Variants in GOLM1 observed in about 807,000 individuals in gnomAD.
The protein encoded by GOLM1 is golgi membrane protein 1, also known as epididymis luminal protein 46.
GOLM1 carries 31 observed loss-of-function variants against 50.5 expected under a neutral mutation model. The ratio of observed to expected loss-of-function variants is 0.61; its 90% CI spans 0.46 to 0.83. The LOEUF is 0.83. GOLM1 is among the 40% of genes least tolerant of loss of function. GOLM1 has a pLI of 0.00. For missense variants in GOLM1, 491 were observed against 501.3 expected (o/e 0.98, Z 0.20); for synonymous variants, 178 against 192.8 (o/e 0.92, Z 0.64).
At chr9:86,040,957 C>T (rs577209089) in intron 5 of GOLM1, 89 bp from the exon 6 acceptor site, 1 of 1,292,106 alleles carries the variant, frequency 7.7e-7, no homozygotes, top group Non-Finnish European at 1.1e-6. Context: ...GAGACACAGA[C>T]CCTCTTCCTG....
chr9:86,079,474 C>A, intron 1 of GOLM1, 133 bp from the exon 2 acceptor site: 1 of 658,478 alleles, frequency 1.5e-6, no homozygotes, highest in Non-Finnish European at 2.5e-6. Flanking sequence ...CCTTGACGTG[C>A]AAAGCTGTCA....
intron 4 of GOLM1, among the ~76,000 whole-genome samples, chr9:86,050,566 C>T (rs996570655): frequency 5.3e-5 from 8 of 152,118 alleles, no homozygotes. Flanking sequence ...TTCAGAGATT[C>T]AACTTCTTCC....
chr9:86,095,031 C>A (rs1295965969), intron 1 of GOLM1, among the ~76,000 whole-genome samples: 1 of 148,906 alleles, frequency 6.7e-6, no homozygotes, highest in Non-Finnish European at 1.5e-5. Flanking sequence ...TTCGGTGAGC[C>A]GAGATAGTGC....
intron 9 of GOLM1, among the ~76,000 whole-genome samples, chr9:86,028,912 G>A (rs1002352202): frequency 4.8e-5 from 7 of 146,078 alleles, no homozygotes; most frequent in Non-Finnish European, 8.9e-5. Context: ...GCAGTCGTGC[G>A]ATCTCAGCTC....
chr9:86,096,210 G>A (rs990897598), intron 1 of GOLM1, among the ~76,000 whole-genome samples: 15 of 150,578 alleles, frequency 1.0e-4, no homozygotes, highest in Admixed American at 4.6e-4. Context: ...GAAATAAAAG[G>A]ATATCTCATG....
At chr9:86,039,033 CT>C (rs1455729827) in intron 6 of GOLM1, among the ~76,000 whole-genome samples, 2 of 152,258 alleles carry the variant, frequency 1.3e-5, no homozygotes, top group East Asian at 3.8e-4. Flanking sequence ...GGAAAAAAAA[CT>C]TGCAAATCAT....
intron 3 of GOLM1, among the ~76,000 whole-genome samples, chr9:86,054,911 T>C (rs567356015): frequency 2.6e-5 from 4 of 152,310 alleles, no homozygotes; most frequent in African/African-American, 9.6e-5. Flanking sequence ...TCCACAAAGT[T>C]TGCAAATAAT....
rs775196459 is a variant in GOLM1, at chr9:86,079,303, G to A, written c.18C>T (p.Asn6=). Residue 6 remains asparagine (N), a synonymous_variant, in exon 2 of 10, where the codon AAC becomes AAT. Transcript: ENST00000388712. MMGLG[N]GRRSMKSPPL... is the part of the protein sequence containing the mutation. Reference sequence around the variant, plus strand: ...GCGGCGACTTCATGCTGCGACGCCCGTTTCCCAAGCCCATCATCTCAAAAT... The same window carrying A: ...GCGGCGACTTCATGCTGCGACGCCCATTTCCCAAGCCCATCATCTCAAAAT... 1.0e-5 allele frequency: 16 copies of A among 1,597,498 alleles called. No homozygotes were observed. Among genetic ancestry groups the A allele is most frequent in the African/African-American group, 6.8e-5 (5 of 73,876 alleles).
intron 8 of GOLM1, 69 bp from the exon 9 acceptor site, chr9:86,033,464 C>T: frequency 1.0e-6 from 1 of 956,142 alleles, no homozygotes; most frequent in Admixed American, 1.9e-5. Flanking sequence ...TATCAGAGCA[C>T]AAGTGCTGGG....
chr9:86,062,903 G>A (rs1054968064), intron 3 of GOLM1, among the ~76,000 whole-genome samples: 4 of 152,138 alleles, frequency 2.6e-5, no homozygotes, highest in Non-Finnish European at 4.4e-5. Context: ...AGCAGTGGAC[G>A]AGCGCCTGTC....
At chr9:86,052,275 C>T (rs1259566627) in intron 4 of GOLM1, among the ~76,000 whole-genome samples, 1 of 152,210 alleles carries the variant, frequency 6.6e-6, no homozygotes, top group African/African-American at 2.4e-5. Context: ...ATCATAAATA[C>T]TATCTCTTAA....
Position 86,033,387 on chromosome 9 carries a change from G to T in GOLM1, c.1024C>A (p.Gln342Lys). The part of the protein sequence containing the change: ...EQEAAGEGRN[Q>K]QKLRGEDDYN... ...TCATCTTCTCCTCTCAGTTTCTGCTGGTTTCTCCCTGTAAAATTAGCACAT... is the reference window on the plus strand; with the variant it reads ...TCATCTTCTCCTCTCAGTTTCTGCTTGTTTCTCCCTGTAAAATTAGCACAT... The change falls in exon 9 of 10, where the codon CAG (glutamine) becomes AAG (lysine). Residue 342 changes from glutamine (Q) to lysine (K), a missense_variant. By Grantham distance (53) the Gln-to-Lys change is moderately conservative. Transcript: ENST00000388712. 9 of 1,594,938 alleles carry T rather than the reference G, an allele frequency of 5.6e-6. No homozygotes were observed. Among genetic ancestry groups the T allele is most frequent in the Non-Finnish European group, 7.7e-6 (9 of 1,162,590 alleles).
intron 3 of GOLM1, among the ~76,000 whole-genome samples, chr9:86,058,840 T>C (rs1834066889): frequency 6.6e-6 from 1 of 151,562 alleles, no homozygotes; most frequent in Non-Finnish European, 1.5e-5. Flanking sequence ...CTACTAAAAC[T>C]ACAAAAATTA....
At chr9:86,044,252 A>C (rs1002321896) in intron 5 of GOLM1, among the ~76,000 whole-genome samples, 2 of 152,234 alleles carry the variant, frequency 1.3e-5, no homozygotes, top group Non-Finnish European at 2.9e-5. Flanking sequence ...GCATAGCTGA[A>C]TAAGATTCCA....
At chr9:86,053,973 T>G (rs1166379096) in intron 3 of GOLM1, among the ~76,000 whole-genome samples, 2 of 152,086 alleles carry the variant, frequency 1.3e-5, no homozygotes, top group Non-Finnish European at 2.9e-5. Flanking sequence ...GAAAAGGGAA[T>G]GCAGTGGCCA....
intron 8 of GOLM1, 64 bp from the exon 9 acceptor site, chr9:86,033,459 G>A: frequency 1.0e-6 from 1 of 977,840 alleles, no homozygotes. Flanking sequence ...AGGACTATCA[G>A]AGCACAAGTG....
chr9:86,047,290 G>T (rs1273394766), intron 4 of GOLM1, among the ~76,000 whole-genome samples: 1 of 152,216 alleles, frequency 6.6e-6, no homozygotes, highest in Non-Finnish European at 1.5e-5. Context: ...GGCAGCAGCA[G>T]CCAGGCCCGG....
chr9:86,048,209 A>T (rs1833619586), intron 4 of GOLM1, among the ~76,000 whole-genome samples: 1 of 151,984 alleles, frequency 6.6e-6, no homozygotes, highest in African/African-American at 2.4e-5. Flanking sequence ...AAACTCATCC[A>T]TTTTTATGGC....
At position 86,099,470 on chromosome 9, in the gene GOLM1, G is replaced by C. The variant is rs1326772151; in HGVS notation, c.-81C>G. On this transcript the variant is annotated 5_prime_UTR_variant, in exon 1 of 10. Transcript: ENST00000388712. ...CGGGGCCCCGCTACGAGGCCGCCCG[G>C]GTCGCTCTCCCGCCGCCGCCGGCCT... 1 of 151,048 alleles carries C rather than the reference G, an allele frequency of 6.6e-6. No homozygotes were observed. The highest frequency in any genetic ancestry group is 6.6e-5 in the Admixed American group (1 of 15,166). 9.4% of individuals were successfully genotyped at this position (151,048 alleles called of 1,614,324 possible).
Sources: gnomAD v4.1 joint callset for allele counts (sites outside exome capture counted in the v4.1 genomes callset) on GRCh38, gnomAD v4.1.1 for gene constraint, MANE v1.5 for transcripts, NCBI Gene and HGNC (gene_info 2026-07-23, HGNC 2026-07-21) for gene names.